COL24A1: variants seen among roughly 807,000 people sequenced by gnomAD.
COL24A1 encodes the protein collagen alpha-1(XXIV) chain.
A neutral mutation model predicts 253.9 loss-of-function variants in COL24A1; 224 were observed. That is an observed-to-expected ratio of 0.88 (90% confidence interval 0.79 to 0.99). The LOEUF (loss-of-function observed/expected upper bound fraction) is 0.99. Ranked by LOEUF, COL24A1 falls within the 50% of genes least tolerant of loss-of-function variation. The pLI is 0.00. For synonymous variants in COL24A1, 685 were observed against 673.7 expected, an observed-to-expected ratio of 1.02 and a Z score of -0.26; for missense variants, 2,131 against 2,068.5, an observed-to-expected ratio of 1.03 and a Z score of -0.59.
chr1:86,015,110 C>G (rs1313657684), intron 19 of COL24A1, among the ~76,000 whole-genome samples: 7 of 152,134 alleles, frequency 4.6e-5, no homozygotes. Context: ...TTATTAAAAG[C>G]CTAATGTTGA....
At chr1:86,101,571 G>A (rs559556688) in intron 5 of COL24A1, among the ~76,000 whole-genome samples, 2 of 152,106 alleles carry the variant, frequency 1.3e-5, no homozygotes, top group Non-Finnish European at 2.9e-5. Context: ...TTCAATGCCA[G>A]GTTTATTGAG....
At chr1:85,835,318 G>A (rs1446782486) in intron 43 of COL24A1, among the ~76,000 whole-genome samples, 2 of 152,078 alleles carry the variant, frequency 1.3e-5, no homozygotes, top group Admixed American at 6.6e-5. Context: ...TTTTAGTAGA[G>A]ATGGGGTTTC....
At chr1:85,923,292 C>T (rs1206639601) in intron 24 of COL24A1, among the ~76,000 whole-genome samples, 2 of 152,156 alleles carry the variant, frequency 1.3e-5, no homozygotes, top group Non-Finnish European at 1.5e-5. Flanking sequence ...ATATCCAGGA[C>T]TTGAACTCAG....
intron 19 of COL24A1, among the ~76,000 whole-genome samples, chr1:85,997,037 A>ATGTGTGTGTG (rs1215662939): frequency 3.2e-5 from 2 of 61,610 alleles, no homozygotes; most frequent in East Asian, 5.9e-4. Context: ...GTATATATAT[A>ATGTGTGTGTG]TATATGTGTG....
chr1:85,894,235 T>C (rs147875024), intron 31 of COL24A1, among the ~76,000 whole-genome samples: 20 of 152,288 alleles, frequency 1.3e-4, no homozygotes, highest in African/African-American at 4.8e-4. Flanking sequence ...CCTCAACAAC[T>C]ATTATAAATT....
chr1:85,774,282 T>A (rs972372995), intron 53 of COL24A1, among the ~76,000 whole-genome samples: 9 of 152,200 alleles, frequency 5.9e-5, no homozygotes, highest in Non-Finnish European at 1.0e-4. Context: ...CAGTATTTTA[T>A]TGAGGATTTT....
chr1:85,963,581 C>G (rs2100696777), intron 23 of COL24A1, among the ~76,000 whole-genome samples: 1 of 152,246 alleles, frequency 6.6e-6, no homozygotes. Flanking sequence ...AAAGAAAACA[C>G]AGATCTAGGG....
intron 53 of COL24A1, among the ~76,000 whole-genome samples, chr1:85,764,371 T>C (rs1415664978): frequency 6.6e-6 from 1 of 151,682 alleles, no homozygotes; most frequent in Non-Finnish European, 1.5e-5. Context: ...CCACAAGTCA[T>C]AGGGCGTGAC....
chr1:85,972,804 T>C (rs1487653424), intron 20 of COL24A1, among the ~76,000 whole-genome samples: 1 of 150,782 alleles, frequency 6.6e-6, no homozygotes, highest in Admixed American at 6.6e-5. Context: ...CAAACTTCAG[T>C]GGCACTGCTG....
Position 86,143,581 on chromosome 1 carries a change from CAG to C in COL24A1, c.121+2536_121+2537del, listed in dbSNP as rs1214645141. ...AGAATAGAAGTAGGGAAAGGAGACA[CAG>C]AGAATAGTAATGTTAAGTCCTCATC... On this transcript the variant is annotated intron_variant, in intron 2 of 59. Coordinates refer to ENST00000370571, the MANE Select transcript of COL24A1 (RefSeq NM_152890.7). Among the ~76,000 whole-genome samples the C allele has an allele frequency of 2.0e-5, 3 of 151,680 alleles. No individual in the cohort carries two copies. In the East Asian group the frequency reaches 5.8e-4, roughly 29 times the overall value.
intron 32 of COL24A1, among the ~76,000 whole-genome samples, chr1:85,879,347 TG>T (rs1681563578): frequency 6.6e-6 from 1 of 152,098 alleles, no homozygotes; most frequent in Non-Finnish European, 1.5e-5. Flanking sequence ...CATAATTTGT[TG>T]AAAAGACTAT....
chr1:85,768,944 T>A (rs1667667159), intron 53 of COL24A1, among the ~76,000 whole-genome samples: 1 of 152,180 alleles, frequency 6.6e-6, no homozygotes, highest in African/African-American at 2.4e-5. Context: ...TGGTATCTAA[T>A]ATATTTCATG....
chr1:85,757,433 C>T (rs1287757440), intron 55 of COL24A1, among the ~76,000 whole-genome samples: 1 of 152,070 alleles, frequency 6.6e-6, no homozygotes, highest in Non-Finnish European at 1.5e-5. Context: ...GTTGGCAACA[C>T]TATGATTTTC....
At chr1:85,995,213 A>T (rs1317497404) in intron 19 of COL24A1, among the ~76,000 whole-genome samples, 4 of 152,148 alleles carry the variant, frequency 2.6e-5, no homozygotes, top group African/African-American at 9.7e-5. Flanking sequence ...GTACAGTGGC[A>T]TGATCACAGG....
chr1:85,807,878 T>C (rs1199980818), intron 47 of COL24A1, among the ~76,000 whole-genome samples: 2 of 152,188 alleles, frequency 1.3e-5, no homozygotes, highest in Non-Finnish European at 2.9e-5. Context: ...ATACTAGTTA[T>C]AACCTGATGA....
At chr1:85,868,105 T>C (rs997530864) in intron 37 of COL24A1, among the ~76,000 whole-genome samples, 1 of 152,186 alleles carries the variant, frequency 6.6e-6, no homozygotes, top group East Asian at 1.9e-4. Flanking sequence ...TGTTTAGAAC[T>C]TCCTTTGAAG....
chr1:86,063,788 T>C (rs771937444), intron 7 of COL24A1, 29 bp from the exon 8 acceptor site: 10 of 1,493,970 alleles, frequency 6.7e-6, no homozygotes, highest in Non-Finnish European at 8.0e-6. Flanking sequence ...AGACATGCTA[T>C]GAAAAGTAAA....
At chr1:85,871,645 A>T (rs1680504891) in intron 35 of COL24A1, among the ~76,000 whole-genome samples, 1 of 152,228 alleles carries the variant, frequency 6.6e-6, no homozygotes, top group Admixed American at 6.5e-5. Flanking sequence ...AAAATTCAAC[A>T]GCCCTTCATG....
At chr1:85,833,159 G>T (rs548314926) in intron 43 of COL24A1, among the ~76,000 whole-genome samples, 4 of 152,056 alleles carry the variant, frequency 2.6e-5, no homozygotes, top group Non-Finnish European at 4.4e-5. Flanking sequence ...TTTGTCAAAG[G>T]CCTTTTCTCA....
Sources: gnomAD v4.1 joint callset for allele counts (sites outside exome capture counted in the v4.1 genomes callset) on GRCh38, gnomAD v4.1.1 for gene constraint, MANE v1.5 for transcripts, NCBI Gene and HGNC (gene_info 2026-07-23, HGNC 2026-07-21) for gene names.